SKAP2: variants seen among roughly 807,000 people sequenced by gnomAD.
The protein encoded by SKAP2 is src kinase-associated phosphoprotein 2.
A neutral mutation model predicts 54.9 loss-of-function variants in SKAP2; 28 were observed. The ratio of observed to expected loss-of-function variants is 0.51; its 90% CI spans 0.38 to 0.70. The LOEUF (loss-of-function observed/expected upper bound fraction) is 0.70. Ranked by LOEUF, SKAP2 falls within the 30% of genes least tolerant of loss-of-function variation. SKAP2 has a pLI of 0.00. For missense variants in SKAP2, 356 were observed against 424.1 expected (o/e 0.84, Z 1.41); for synonymous variants, 137 against 134.3 (o/e 1.02, Z -0.14).
intron 9 of SKAP2, among the ~76,000 whole-genome samples, chr7:26,691,968 C>T (rs1047502163): frequency 1.4e-4 from 22 of 151,850 alleles, no homozygotes; most frequent in Non-Finnish European, 2.5e-4. Context: ...TAAGAGCCTT[C>T]GAAGGTTTTT....
At position 26,668,358 on chromosome 7, in the gene SKAP2, AC is replaced by A. The variant is rs1256384361; in HGVS notation, c.*1307del. The A allele has an allele frequency of 6.6e-6, 1 of 152,168 alleles. No individual in the cohort carries two copies. Among genetic ancestry groups the A allele is most frequent in the Non-Finnish European group, 1.5e-5 (1 of 68,022 alleles). The allele number at this position is 152,168 out of a possible 1,614,324, so 9.4% of individuals were successfully genotyped here. A position where few individuals can be genotyped will look rare whatever the true frequency, so the allele number is the denominator to read the frequency against. On this transcript the variant is annotated 3_prime_UTR_variant, in exon 13 of 13. Coordinates refer to ENST00000345317, the MANE Select transcript of SKAP2 (RefSeq NM_003930.5). Reference sequence around the variant, plus strand: ...TTGGTATCTCATAGGTATTTTAAACACCTCTGATTTCAAATATACATGAAAA... The same window carrying A: ...TTGGTATCTCATAGGTATTTTAAACACTCTGATTTCAAATATACATGAAAA...
intron 9 of SKAP2, among the ~76,000 whole-genome samples, chr7:26,713,659 G>T (rs1417114024): frequency 6.6e-6 from 1 of 151,882 alleles, no homozygotes; most frequent in Non-Finnish European, 1.5e-5. Flanking sequence ...GAGTGCAGTG[G>T]CGCGATCTCG....
At chr7:26,861,230 G>C (rs1389298233) in intron 1 of SKAP2, among the ~76,000 whole-genome samples, 1 of 129,328 alleles carries the variant, frequency 7.7e-6, no homozygotes, top group Non-Finnish European at 1.7e-5. Context: ...TGCCTGTCTA[G>C]AGAAAAAAAA....
At chr7:26,705,817 A>G (rs145572498) in intron 9 of SKAP2, among the ~76,000 whole-genome samples, 251 of 152,322 alleles carry the variant, frequency 1.6e-3, no homozygotes, top group African/African-American at 5.8e-3. Context: ...CTCTGATGAC[A>G]AAGTGGCCAA....
chr7:26,754,181 T>TG (rs1782741046), intron 4 of SKAP2, among the ~76,000 whole-genome samples: 1 of 152,006 alleles, frequency 6.6e-6, no homozygotes, highest in African/African-American at 2.4e-5. Flanking sequence ...CCAGCCAAGA[T>TG]GGTGAAACCC....
At chr7:26,655,565 G>C in the SKAP2 span, among the ~76,000 whole-genome samples, 1 of 152,194 alleles carries the variant, frequency 6.6e-6, no homozygotes, top group African/African-American at 2.4e-5. Context: ...CTAGGTGACT[G>C]TTTAATGTCA....
intron 4 of SKAP2, among the ~76,000 whole-genome samples, chr7:26,742,156 T>C (rs1011641985): frequency 1.3e-5 from 2 of 152,162 alleles, no homozygotes; most frequent in African/African-American, 2.4e-5. Context: ...AGAAATCTTA[T>C]CTCTGTAAAC....
At chr7:26,775,215 A>G (rs895863776) in intron 4 of SKAP2, among the ~76,000 whole-genome samples, 1 of 151,998 alleles carries the variant, frequency 6.6e-6, no homozygotes, top group African/African-American at 2.4e-5. Flanking sequence ...TGGCATCTCA[A>G]TCTCTCCTTC....
chr7:26,749,408 G>C (rs1326891854), intron 4 of SKAP2, among the ~76,000 whole-genome samples: 1 of 151,974 alleles, frequency 6.6e-6, no homozygotes, highest in Non-Finnish European at 1.5e-5. Context: ...TTTGTTGAAG[G>C]CATCTTAAAA....
At chr7:26,657,041 G>A in the SKAP2 span, among the ~76,000 whole-genome samples, 1 of 152,032 alleles carries the variant, frequency 6.6e-6, no homozygotes, top group South Asian at 2.1e-4. Flanking sequence ...AATAGCTACA[G>A]GCTTTATCTT....
chr7:26,712,361 T>C (rs1787329453), intron 9 of SKAP2, among the ~76,000 whole-genome samples: 2 of 152,206 alleles, frequency 1.3e-5, no homozygotes, highest in South Asian at 4.1e-4. Flanking sequence ...TTATCTGAAA[T>C]AAAGCCAGAG....
intron 3 of SKAP2, among the ~76,000 whole-genome samples, chr7:26,851,533 A>G (rs1415127827): frequency 1.3e-5 from 2 of 151,864 alleles, no homozygotes; most frequent in African/African-American, 4.8e-5. Flanking sequence ...ACTTGGATAC[A>G]GGAAGGCGGA....
chr7:26,846,215 A>G (rs577545045), intron 3 of SKAP2, among the ~76,000 whole-genome samples: 70 of 152,276 alleles, frequency 4.6e-4, no homozygotes, highest in African/African-American at 1.6e-3. Context: ...CTTCAAAAAC[A>G]TTACTAGAAC....
intron 11 of SKAP2, among the ~76,000 whole-genome samples, chr7:26,670,826 C>T (rs978385671): frequency 6.6e-6 from 1 of 151,888 alleles, no homozygotes; most frequent in East Asian, 1.9e-4. Context: ...TTTATTATTC[C>T]TTTATTATTG....
chr7:26,791,618 G>A (rs1783675103), intron 4 of SKAP2, among the ~76,000 whole-genome samples: 1 of 152,034 alleles, frequency 6.6e-6, no homozygotes, highest in South Asian at 2.1e-4. Context: ...TAAATTATTA[G>A]AATTCTAGGA....
intron 10 of SKAP2, among the ~76,000 whole-genome samples, chr7:26,686,875 C>A (rs1191869748): frequency 6.6e-6 from 1 of 152,104 alleles, no homozygotes; most frequent in Non-Finnish European, 1.5e-5. Flanking sequence ...ATCTAAATGG[C>A]TGGTTTCTTT....
intron 3 of SKAP2, chr7:26,847,857 C>G (rs1294545651): frequency 6.6e-6 from 1 of 152,192 alleles, no homozygotes; most frequent in Non-Finnish European, 1.5e-5. Flanking sequence ...TATGTACTCA[C>G]AAGGATAATG....
chr7:26,779,990 A>G (rs1048793350), intron 4 of SKAP2, among the ~76,000 whole-genome samples: 4 of 152,096 alleles, frequency 2.6e-5, no homozygotes, highest in African/African-American at 9.7e-5. Context: ...CAACCAAAGG[A>G]AAACACTGTT....
chr7:26,736,865 A>G (rs937963627), intron 6 of SKAP2, among the ~76,000 whole-genome samples: 2 of 152,138 alleles, frequency 1.3e-5, no homozygotes, highest in African/African-American at 2.4e-5. Flanking sequence ...ACTGCACTCC[A>G]GCTTGGGTGA....
Sources: allele counts gnomAD v4.1 joint callset (sites outside exome capture counted in the v4.1 genomes callset), GRCh38; gene constraint gnomAD v4.1.1; transcripts MANE v1.5; gene names NCBI Gene and HGNC (gene_info 2026-07-23, HGNC 2026-07-21).